The following TRMT9B variants were observed in gnomAD, a reference collection of about 807,000 sequenced individuals.
TRMT9B encodes probable tRNA methyltransferase 9B.
A neutral mutation model predicts 11.5 loss-of-function variants in TRMT9B; 16 were observed. The observed-to-expected ratio is 1.39, with a 90% CI of 0.94 to 2.11. The LOEUF is 2.11. Among genes scored for constraint, TRMT9B ranks in the 30% most tolerant of loss-of-function variants. TRMT9B has a pLI of 0.00. For missense variants in TRMT9B, 941 were observed against 553.8 expected, an observed-to-expected ratio of 1.70 and a Z score of -7.02; for synonymous variants, 274 against 192.4, an observed-to-expected ratio of 1.42 and a Z score of -3.51.
chr8:13,006,767 C>A lies in TRMT9B; in HGVS notation c.154+411C>A, dbSNP rs141939360. The A allele has an allele frequency of 3.9e-4, 252 of 639,306 alleles. 2 individuals are homozygous for A. In the African/African-American group the frequency reaches 4.0e-3, roughly 10 times the overall value. The allele number at this position is 639,306 out of a possible 1,614,324, so 39.6% of individuals were successfully genotyped here. On this transcript the variant is annotated intron_variant, in intron 3 of 4. Transcript: ENST00000524591. The stretch of plus-strand genomic sequence containing the variant: ...TGCTGCAAACTCCGCCTCCCAGGTT[C>A]AACTGATTCTCCTGCCTCAGACTCC...
chr8:12,948,700 C>T (rs1361983337), intron 1 of TRMT9B, among the ~76,000 whole-genome samples: 1 of 151,994 alleles, frequency 6.6e-6, no homozygotes, highest in Non-Finnish European at 1.5e-5. Flanking sequence ...GTGGCTCATG[C>T]CTGTAATCCC....
chr8:12,987,311 A>G (rs1436721337), intron 1 of TRMT9B, among the ~76,000 whole-genome samples: 1 of 152,194 alleles, frequency 6.6e-6, no homozygotes, highest in Non-Finnish European at 1.5e-5. Context: ...CCTGGCCCAT[A>G]GCAAATAATT....
At chr8:13,012,540 A>C in intron 3 of TRMT9B, 144 bp from the exon 4 acceptor site, 2 of 1,080,416 alleles carry the variant, frequency 1.9e-6, no homozygotes, top group South Asian at 3.7e-5. Flanking sequence ...GCGCCACTGC[A>C]CTCCAGCCTG....
Position 13,012,559 on chromosome 8 carries a change from A to C in TRMT9B, c.155-125A>C, listed in dbSNP as rs1009759837. ...CACTGCACTCCAGCCTGGGTGACTG[A>C]GGGAGACTCTGTCTCAAAATAAATA... On this transcript the variant is annotated intron_variant, in intron 3 of 4. Transcript: ENST00000524591. 6 of 1,239,126 alleles carry C rather than the reference A, an allele frequency of 4.8e-6. No individual in the cohort carries two copies. In the African/African-American group the frequency reaches 7.7e-5, roughly 16 times the overall value. 76.8% of individuals were successfully genotyped at this position (1,239,126 alleles called of 1,614,324 possible). A position where few individuals can be genotyped will look rare whatever the true frequency, so the allele number is the denominator to read the frequency against.
intron 1 of TRMT9B, among the ~76,000 whole-genome samples, chr8:12,954,457 G>C (rs997953530): frequency 5.9e-5 from 9 of 152,184 alleles, no homozygotes; most frequent in African/African-American, 2.2e-4. Context: ...TTAAATGCCT[G>C]TTTACTACAT....
At chr8:12,950,449 T>G (rs1165552703) in intron 1 of TRMT9B, among the ~76,000 whole-genome samples, 1 of 152,204 alleles carries the variant, frequency 6.6e-6, no homozygotes, top group Non-Finnish European at 1.5e-5. Context: ...ATTGTAGTTG[T>G]AGCTCCAGTG....
rs1464189098 is a variant in TRMT9B, at chr8:13,021,674, A to G, written c.995A>G (p.His332Arg). The change falls in exon 5 of 5, where the codon CAT (histidine) becomes CGT (arginine). Residue 332 changes from histidine (H) to arginine (R), a missense_variant. Coordinates refer to ENST00000524591, the MANE Select transcript of TRMT9B (RefSeq NM_020844.3). Reference protein sequence around the residue: ...EWLRAPGTLKHLNGDHQGEMR... With the variant: ...EWLRAPGTLKRLNGDHQGEMR... ...CTGAGAGCACCAGGCACTCTGAAAC[A>G]TTTAAATGGAGACCATCAAGGGGAA... 29 of 1,613,820 alleles carry G rather than the reference A, an allele frequency of 1.8e-5. No homozygotes were observed. Among genetic ancestry groups the G allele is most frequent in the Non-Finnish European group, 2.3e-5 (27 of 1,179,884 alleles).
chr8:13,007,916 A>G (rs1251398172), intron 3 of TRMT9B, among the ~76,000 whole-genome samples: 1 of 152,212 alleles, frequency 6.6e-6, no homozygotes, highest in Non-Finnish European at 1.5e-5. Flanking sequence ...CAGAGGCAAA[A>G]TGCCTATATA....
In TRMT9B at chr8:13,021,699, A is replaced by T. The variant is rs1363011441; in HGVS notation, c.1020A>T (p.Glu340Asp). ...LKHLNGDHQGEMRRNGGGNFL... is the reference protein window; with the variant it reads ...LKHLNGDHQGDMRRNGGGNFL... ...ATTTAAATGGAGACCATCAAGGGGA[A>T]ATGAGGAGAAATGGAGGGGGAAATT... is the stretch of plus-strand genomic sequence containing the variant. The change falls in exon 5 of 5, where the codon GAA (glutamate) becomes GAT (aspartate). Residue 340 changes from glutamate (E) to aspartate (D), a missense_variant. Coordinates refer to ENST00000524591, the MANE Select transcript of TRMT9B (RefSeq NM_020844.3). The T allele has an allele frequency of 4.3e-6, 7 of 1,613,984 alleles. No individual in the cohort carries two copies. The South Asian group carries it at 5.5e-5, about 13-fold the overall frequency.
At chr8:12,949,877 G>T (rs1367892003) in intron 1 of TRMT9B, among the ~76,000 whole-genome samples, 3 of 151,522 alleles carry the variant, frequency 2.0e-5, no homozygotes, top group Non-Finnish European at 2.9e-5. Context: ...CTTATTTTGA[G>T]ATAGGTTCTC....
chr8:12,965,890 G>A (rs1403059062), intron 1 of TRMT9B, among the ~76,000 whole-genome samples: 3 of 151,532 alleles, frequency 2.0e-5, no homozygotes, highest in African/African-American at 7.3e-5. Flanking sequence ...GCGGGCACCT[G>A]TAGTTCCAGC....
intron 3 of TRMT9B, 123 bp downstream of exon 3, chr8:13,006,479 C>A: frequency 6.5e-7 from 1 of 1,546,862 alleles, no homozygotes; most frequent in East Asian, 2.3e-5. Context: ...ATAGGTAACC[C>A]AGCACTGGGC....
At chr8:12,949,887 C>G (rs1800460879) in intron 1 of TRMT9B, among the ~76,000 whole-genome samples, 1 of 152,106 alleles carries the variant, frequency 6.6e-6, no homozygotes, top group African/African-American at 2.4e-5. Flanking sequence ...GATAGGTTCT[C>G]TGTCACCCAG....
chr8:12,982,916 T>C (rs1467989191), intron 1 of TRMT9B, among the ~76,000 whole-genome samples: 2 of 152,178 alleles, frequency 1.3e-5, no homozygotes, highest in African/African-American at 2.4e-5. Context: ...ATGCTATCTA[T>C]GTTTTCCTCG....
intron 1 of TRMT9B, among the ~76,000 whole-genome samples, chr8:12,989,563 G>A (rs759714530): frequency 2.0e-5 from 3 of 152,138 alleles, no homozygotes; most frequent in Non-Finnish European, 4.4e-5. Flanking sequence ...TGGGGGCGTT[G>A]AAGACTTTGC....
chr8:12,946,711 G>C (rs561356403), intron 1 of TRMT9B, among the ~76,000 whole-genome samples: 1 of 152,178 alleles, frequency 6.6e-6, no homozygotes, highest in Non-Finnish European at 1.5e-5. Flanking sequence ...AGATTATATA[G>C]AGAGAAAAGC....
Position 13,004,518 on chromosome 8 carries a change from C to G in TRMT9B, c.-1-1684C>G, listed in dbSNP as rs377423099. ...GGCCCAGGCAGAGTCCTGAGGCCGT[C>G]TGTTCAGGCCCTACCCCCCAGATGA... On this transcript the variant is annotated intron_variant, in intron 2 of 4. Coordinates refer to ENST00000524591, the MANE Select transcript of TRMT9B (RefSeq NM_020844.3). Among the ~76,000 whole-genome samples, 27 of 152,086 alleles carry G rather than the reference C, an allele frequency of 1.8e-4. No homozygotes were observed. The East Asian group carries it at 3.5e-3, about 20-fold the overall frequency.
In TRMT9B at chr8:12,967,757, A is replaced by G. The variant is rs372956425; in HGVS notation, c.-200+21791A>G. 1.0e-4 allele frequency among the ~76,000 whole-genome samples: 16 copies of G among 152,386 alleles called. No individual in the cohort carries two copies. The East Asian group carries it at 1.9e-3, about 18-fold the overall frequency. Reference sequence around the variant, plus strand: ...CATCTTTATGCATATAGTGATGGTCAGTATGAAAGTGATCAGTGGGACAAA... The same window carrying G: ...CATCTTTATGCATATAGTGATGGTCGGTATGAAAGTGATCAGTGGGACAAA... On this transcript the variant is annotated intron_variant, in intron 1 of 4. Coordinates refer to ENST00000524591, the MANE Select transcript of TRMT9B (RefSeq NM_020844.3).
At chr8:12,973,261 A>AT (rs1271828569) in intron 1 of TRMT9B, among the ~76,000 whole-genome samples, 7 of 152,020 alleles carry the variant, frequency 4.6e-5, no homozygotes, top group Non-Finnish European at 1.0e-4. Context: ...ATTTAGGAAG[A>AT]TTTTTTTTGG....
Sources: gnomAD v4.1 joint callset for allele counts (sites outside exome capture counted in the v4.1 genomes callset) on GRCh38, gnomAD v4.1.1 for gene constraint, MANE v1.5 for transcripts, NCBI Gene and HGNC (gene_info 2026-07-23, HGNC 2026-07-21) for gene names.